The following EYA2 variants were observed in gnomAD, a reference collection of about 807,000 sequenced individuals.
EYA2 encodes the protein protein phosphatase EYA2.
EYA2 carries 31 observed loss-of-function variants against 69.2 expected under a neutral mutation model. The ratio of observed to expected loss-of-function variants is 0.45; its 90% CI spans 0.34 to 0.60. The LOEUF is 0.60. Among genes scored for constraint, EYA2 ranks in the 20% least tolerant of loss-of-function variants. The pLI, the probability that EYA2 is intolerant of heterozygous loss-of-function variation, is 0.02. For missense variants in EYA2, 622 were observed against 701.2 expected, an observed-to-expected ratio of 0.89 and a Z score of 1.28; for synonymous variants, 257 against 279.4, an observed-to-expected ratio of 0.92 and a Z score of 0.80.
intron 8 of EYA2, among the ~76,000 whole-genome samples, chr20:47,093,171 T>C (rs1277277878): frequency 6.6e-6 from 1 of 152,236 alleles, no homozygotes; most frequent in African/African-American, 2.4e-5. Context: ...TGCTAGTTAC[T>C]GGGCACAGCT....
chr20:47,171,123 G>A (rs572918415), intron 11 of EYA2, among the ~76,000 whole-genome samples: 3 of 152,154 alleles, frequency 2.0e-5, no homozygotes, highest in African/African-American at 7.2e-5. Context: ...TGAAGTCATC[G>A]TTGGGAAGCA....
chr20:47,133,934 C>A (rs2033399915), intron 9 of EYA2, among the ~76,000 whole-genome samples: 1 of 152,222 alleles, frequency 6.6e-6, no homozygotes, highest in Non-Finnish European at 1.5e-5. Context: ...AAACTACATT[C>A]TTAGCCTAAA....
chr20:47,147,151 C>A (rs533703454), intron 10 of EYA2, among the ~76,000 whole-genome samples: 1 of 149,016 alleles, frequency 6.7e-6, no homozygotes, highest in Admixed American at 6.8e-5. Flanking sequence ...TGGGTTCAAG[C>A]GATTCTCCTG....
intron 1 of EYA2, among the ~76,000 whole-genome samples, chr20:46,948,745 T>C (rs568405415): frequency 6.6e-6 from 1 of 152,226 alleles, no homozygotes; most frequent in African/African-American, 2.4e-5. Context: ...CGTAAAAGGT[T>C]GACCCTACTT....
intron 12 of EYA2, among the ~76,000 whole-genome samples, chr20:47,178,499 G>T (rs1458331749): frequency 3.9e-5 from 6 of 151,990 alleles, no homozygotes; most frequent in Non-Finnish European, 8.8e-5. Flanking sequence ...GAGGCCTCCA[G>T]GCTGGAATGG....
intron 7 of EYA2, among the ~76,000 whole-genome samples, chr20:47,085,746 A>G (rs2031875023): frequency 6.6e-6 from 1 of 152,234 alleles, no homozygotes. Context: ...AAAAGAATAC[A>G]TACTATATGA....
At chr20:47,004,432 C>A (rs1205377690) in intron 3 of EYA2, among the ~76,000 whole-genome samples, 1 of 152,182 alleles carries the variant, frequency 6.6e-6, no homozygotes, top group Non-Finnish European at 1.5e-5. Context: ...ATAGGCTATG[C>A]TACAGTAATC....
intron 5 of EYA2, among the ~76,000 whole-genome samples, chr20:47,054,488 T>G (rs920758349): frequency 3.3e-5 from 5 of 152,294 alleles, no homozygotes; most frequent in East Asian, 3.9e-4. Context: ...CTGCACCAGG[T>G]GTTTCTGAGC....
In EYA2 at chr20:47,156,259, G is replaced by A. The variant is rs983463645; in HGVS notation, c.979-12880G>A. 5.5e-5 allele frequency among the ~76,000 whole-genome samples: 8 copies of A among 145,530 alleles called. 1 individual carries two copies. The East Asian group carries it at 1.1e-3, about 20-fold the overall frequency. On this transcript the variant is annotated intron_variant, in intron 10 of 15. Coordinates refer to ENST00000327619, the MANE Select transcript of EYA2 (RefSeq NM_005244.5). ...TAAGGCAGGAGAATTGCCTGAGCCC[G>A]GGAGACAGAGGTTGCAGTGAGCCAA...
intron 9 of EYA2, among the ~76,000 whole-genome samples, chr20:47,123,858 G>A (rs1419305923): frequency 1.3e-5 from 2 of 152,002 alleles, no homozygotes; most frequent in African/African-American, 4.8e-5. Flanking sequence ...CAGACCTGGT[G>A]GCACACACCT....
intron 9 of EYA2, among the ~76,000 whole-genome samples, chr20:47,133,652 T>A (rs76473163): frequency 0.022 from 3,365 of 152,246 alleles, 116 homozygotes; most frequent in East Asian, 0.089. Flanking sequence ...GATTAAAATC[T>A]GCAAGGGGAA....
intron 1 of EYA2, among the ~76,000 whole-genome samples, chr20:46,899,318 G>A (rs745746465): frequency 7.4e-4 from 112 of 152,248 alleles, no homozygotes; most frequent in Non-Finnish European, 1.5e-3. Flanking sequence ...CTGCCCTGAC[G>A]TTTTTTGCCA....
intron 7 of EYA2, 46 bp from the exon 8 acceptor site, chr20:47,089,193 C>G: frequency 6.2e-7 from 1 of 1,601,132 alleles, no homozygotes. Context: ...GGAGGAGACA[C>G]CCAGCAAAGC....
At chr20:46,989,604 C>T (rs1228598503) in intron 1 of EYA2, among the ~76,000 whole-genome samples, 1 of 152,200 alleles carries the variant, frequency 6.6e-6, no homozygotes, top group African/African-American at 2.4e-5. Flanking sequence ...TCCACGTTCT[C>T]CCCAAGCCTC....
At chr20:47,150,201 T>A (rs921272671) in intron 10 of EYA2, among the ~76,000 whole-genome samples, 1 of 152,166 alleles carries the variant, frequency 6.6e-6, no homozygotes, top group East Asian at 1.9e-4. Flanking sequence ...TCTGCTGCAT[T>A]CTCTGGTCCT....
chr20:47,081,428 A>G (rs575657702), intron 7 of EYA2, among the ~76,000 whole-genome samples: 4 of 151,470 alleles, frequency 2.6e-5, no homozygotes, highest in Non-Finnish European at 4.4e-5. Context: ...AATATACACA[A>G]TTTTTATTTG....
chr20:47,180,008 C>T, intron 13 of EYA2, 96 bp downstream of exon 13: 1 of 814,714 alleles, frequency 1.2e-6, no homozygotes, highest in Non-Finnish European at 2.1e-6. Flanking sequence ...AATTGGACTC[C>T]TCAAACTCTC....
At chr20:47,047,312 G>A (rs548125586) in intron 5 of EYA2, among the ~76,000 whole-genome samples, 1 of 152,230 alleles carries the variant, frequency 6.6e-6, no homozygotes, top group South Asian at 2.1e-4. Flanking sequence ...CACAGGAGTA[G>A]GGCAGGTCAC....
At position 47,093,631 on chromosome 20, in the gene EYA2, C is replaced by T. The variant is rs538711590; in HGVS notation, c.805-3454C>T. ...TCTATCTGCAAAACAGTCATTCTCC[C>T]TTACAGGGGCCTGTAGCTTCATTCC... On this transcript the variant is annotated intron_variant, in intron 8 of 15. Coordinates refer to ENST00000327619, the MANE Select transcript of EYA2 (RefSeq NM_005244.5). Among the ~76,000 whole-genome samples, 119 of 152,120 alleles carry T rather than the reference C, an allele frequency of 7.8e-4. 1 individual carries two copies. The Middle Eastern group carries it at 0.01, about 13-fold the overall frequency.
Sources: allele counts gnomAD v4.1 joint callset (sites outside exome capture counted in the v4.1 genomes callset), GRCh38; gene constraint gnomAD v4.1.1; transcripts MANE v1.5; gene names NCBI Gene and HGNC (gene_info 2026-07-23, HGNC 2026-07-21).